Variants in ABLIM1 observed in about 807,000 individuals in gnomAD.
The protein encoded by ABLIM1 is actin-binding LIM protein 1.
Under a neutral mutation model 107.0 loss-of-function variants are expected in ABLIM1, and 40 were observed. The observed-to-expected ratio is 0.37, with a 90% CI of 0.29 to 0.49. The LOEUF is 0.49. Among genes scored for constraint, ABLIM1 ranks in the 20% least tolerant of loss-of-function variants. The pLI is 0.97. For missense variants in ABLIM1, 857 were observed against 1,008.5 expected, an observed-to-expected ratio of 0.85 and a Z score of 2.04; for synonymous variants, 357 against 357.3, an observed-to-expected ratio of 1.00 and a Z score of 0.01.
intron 8 of ABLIM1, among the ~76,000 whole-genome samples, chr10:114,483,510 C>G (rs935088964): frequency 1.3e-5 from 2 of 152,124 alleles, no homozygotes; most frequent in African/African-American, 4.8e-5. Context: ...CTCCTGGGCT[C>G]TAGTGATCTG....
At chr10:114,481,102 C>T (rs530733687) in intron 8 of ABLIM1, among the ~76,000 whole-genome samples, 6 of 152,282 alleles carry the variant, frequency 3.9e-5, no homozygotes, top group African/African-American at 1.4e-4. Flanking sequence ...TGAAGACATC[C>T]TCTTCCGTTT....
chr10:114,471,573 G>T (rs1306907174), intron 10 of ABLIM1, among the ~76,000 whole-genome samples: 10 of 152,048 alleles, frequency 6.6e-5, no homozygotes, highest in African/African-American at 2.4e-4. Flanking sequence ...CATGAAAATG[G>T]ATATCACTTC....
intron 6 of ABLIM1, among the ~76,000 whole-genome samples, chr10:114,542,434 A>G (rs1271505556): frequency 6.8e-6 from 1 of 146,316 alleles, no homozygotes; most frequent in African/African-American, 2.7e-5. Context: ...AAAGAAAGAA[A>G]AAAGAAAAAA....
intron 8 of ABLIM1, among the ~76,000 whole-genome samples, chr10:114,485,907 C>T (rs554432586): frequency 6.6e-6 from 1 of 152,314 alleles, no homozygotes; most frequent in African/African-American, 2.4e-5. Flanking sequence ...TTTCTCTGTT[C>T]AAAACGTATT....
chr10:114,523,670 T>C (rs2064139464), intron 6 of ABLIM1, among the ~76,000 whole-genome samples: 1 of 152,186 alleles, frequency 6.6e-6, no homozygotes, highest in Non-Finnish European at 1.5e-5. Flanking sequence ...CATTAAAACC[T>C]GCTTAGATGG....
At chr10:114,792,289 C>T in the ABLIM1 span, among the ~76,000 whole-genome samples, 2 of 152,184 alleles carry the variant, frequency 1.3e-5, no homozygotes, top group African/African-American at 4.8e-5. Flanking sequence ...CCACTGCATT[C>T]TAGCCTGGGT....
At chr10:114,775,079 G>A in the ABLIM1 span, among the ~76,000 whole-genome samples, 16 of 152,244 alleles carry the variant, frequency 1.1e-4, no homozygotes, top group African/African-American at 3.9e-4. Context: ...GGAAGGTGAA[G>A]AGGAAGCAAA....
the ABLIM1 span, among the ~76,000 whole-genome samples, chr10:114,791,417 T>C: frequency 2.0e-5 from 3 of 152,090 alleles, no homozygotes; most frequent in Non-Finnish European, 2.9e-5. Context: ...AGCCGGCGGA[T>C]CACGAGGTCA....
chr10:114,771,716 G>A (rs1481280085), upstream of ABLIM1, among the ~76,000 whole-genome samples: 1 of 152,086 alleles, frequency 6.6e-6, no homozygotes, highest in African/African-American at 2.4e-5. Context: ...AAAGTGCAAG[G>A]AATTTTAGGA....
chr10:114,656,802 A>C (rs937818764), intron 1 of ABLIM1, among the ~76,000 whole-genome samples: 2 of 152,202 alleles, frequency 1.3e-5, no homozygotes, highest in African/African-American at 4.8e-5. Context: ...AAACATGCTA[A>C]GTGAAAGAAG....
At chr10:114,787,548 G>C in the ABLIM1 span, among the ~76,000 whole-genome samples, 2,251 of 141,998 alleles carry the variant, frequency 0.016, 62 homozygotes, top group African/African-American at 0.058. Flanking sequence ...TCAGCCCCCC[G>C]CCCGGCCAGC....
chr10:114,453,306 G>C, intron 13 of ABLIM1, 73 bp downstream of exon 13: 2 of 1,479,454 alleles, frequency 1.4e-6, no homozygotes, highest in Non-Finnish European at 1.9e-6. Flanking sequence ...TGAGAGATGA[G>C]ACAAGACGAG....
At chr10:114,506,133 A>G (rs1283806610) in intron 6 of ABLIM1, among the ~76,000 whole-genome samples, 4 of 152,152 alleles carry the variant, frequency 2.6e-5, no homozygotes, top group Non-Finnish European at 5.9e-5. Flanking sequence ...CTGTTCCTGT[A>G]TTAGTTCACC....
At chr10:114,564,181 G>C (rs2070284629) in intron 4 of ABLIM1, among the ~76,000 whole-genome samples, 1 of 151,600 alleles carries the variant, frequency 6.6e-6, no homozygotes, top group Non-Finnish European at 1.5e-5. Context: ...CCTGGACCCG[G>C]CCTCGTTGCT....
intron 1 of ABLIM1, among the ~76,000 whole-genome samples, chr10:114,704,300 C>A (rs867530006): frequency 0.028 from 808 of 28,402 alleles, no homozygotes; most frequent in South Asian, 0.054. Flanking sequence ...CTCTCTCTCT[C>A]TCTATATATA....
chr10:114,574,580 C>T (rs2072211988), intron 3 of ABLIM1, among the ~76,000 whole-genome samples: 1 of 152,094 alleles, frequency 6.6e-6, no homozygotes, highest in South Asian at 2.1e-4. Context: ...GCTGAGATTA[C>T]AGGCACCTGC....
intron 8 of ABLIM1, among the ~76,000 whole-genome samples, chr10:114,486,966 G>A (rs2475226): frequency 0.56 from 85,059 of 152,060 alleles, 25,001 homozygotes; most frequent in African/African-American, 0.76. Context: ...GTAATTCCCA[G>A]GGCGGCAGGC....
intron 1 of ABLIM1, among the ~76,000 whole-genome samples, chr10:114,743,377 G>A (rs1233708110): frequency 6.6e-6 from 1 of 152,130 alleles, no homozygotes; most frequent in Non-Finnish European, 1.5e-5. Flanking sequence ...AAACATTAAA[G>A]GTCACTAGTA....
At chr10:114,701,354 G>C (rs1446022719) in intron 1 of ABLIM1, among the ~76,000 whole-genome samples, 3 of 152,078 alleles carry the variant, frequency 2.0e-5, no homozygotes, top group African/African-American at 7.2e-5. Context: ...AAAAATGTTT[G>C]ACAATTTTTC....
Sources: allele counts gnomAD v4.1 joint callset (sites outside exome capture counted in the v4.1 genomes callset), GRCh38; gene constraint gnomAD v4.1.1; transcripts MANE v1.5; gene names NCBI Gene and HGNC (gene_info 2026-07-23, HGNC 2026-07-21).